SCAPER: variants seen among roughly 807,000 people sequenced by gnomAD.
The protein encoded by SCAPER is S phase cyclin A-associated protein in the endoplasmic reticulum.
A neutral mutation model predicts 182.2 loss-of-function variants in SCAPER; 98 were observed. The ratio of observed to expected loss-of-function variants is 0.54; its 90% CI spans 0.46 to 0.64. The LOEUF is 0.64. SCAPER is among the 30% of genes least tolerant of loss of function. The probability of loss-of-function intolerance (pLI) is 0.00; values close to 1 mark genes in which losing one functional copy is unlikely to be tolerated. For missense variants in SCAPER, 1,432 were observed against 1,690.0 expected (o/e 0.85, Z 2.68); for synonymous variants, 605 against 564.6 (o/e 1.07, Z -1.01).
At chr15:76,862,201 C>G (rs191470074) in intron 3 of SCAPER, among the ~76,000 whole-genome samples, 168 of 152,210 alleles carry the variant, frequency 1.1e-3, no homozygotes, top group African/African-American at 3.8e-3. Flanking sequence ...ACAATAAACC[C>G]AATTTCAAAT....
At chr15:76,381,271 G>A in intron 28 of SCAPER, 107 bp downstream of exon 28, 2 of 745,328 alleles carry the variant, frequency 2.7e-6, no homozygotes, top group South Asian at 3.8e-5. Context: ...TCCATTTATT[G>A]TAGTTTATTC....
At chr15:76,816,359 A>AT (rs1157298021) in intron 5 of SCAPER, among the ~76,000 whole-genome samples, 9 of 151,804 alleles carry the variant, frequency 5.9e-5, no homozygotes, top group Non-Finnish European at 1.3e-4. Context: ...CCTATCTAAC[A>AT]TTTTTTTTCC....
chr15:76,655,403 A>G (rs1053137842), intron 21 of SCAPER, among the ~76,000 whole-genome samples: 3 of 152,228 alleles, frequency 2.0e-5, no homozygotes, highest in African/African-American at 7.2e-5. Flanking sequence ...TAAAGAGACC[A>G]AATCTATGAC....
intron 22 of SCAPER, among the ~76,000 whole-genome samples, chr15:76,620,065 G>A (rs1231556935): frequency 6.6e-6 from 1 of 152,004 alleles, no homozygotes; most frequent in African/African-American, 2.4e-5. Context: ...GACAGAGCGA[G>A]ACTCTGTCTT....
chr15:76,397,474 C>CTTTTTT (rs71143321), intron 27 of SCAPER, among the ~76,000 whole-genome samples: 46 of 71,532 alleles, frequency 6.4e-4, no homozygotes, highest in Admixed American at 1.0e-3. Context: ...TATTGGCAGA[C>CTTTTTT]TTTTTTTTTT....
chr15:76,356,941 A>C (rs115176367), intron 29 of SCAPER, among the ~76,000 whole-genome samples: 1,641 of 152,280 alleles, frequency 0.011, 39 homozygotes, highest in African/African-American at 0.037. Context: ...TGAGGAAATC[A>C]ACGGAATTTC....
At chr15:76,783,354 A>G (rs1223427043) in intron 8 of SCAPER, among the ~76,000 whole-genome samples, 1 of 152,242 alleles carries the variant, frequency 6.6e-6, no homozygotes, top group Admixed American at 6.5e-5. Flanking sequence ...ATCTCTGAAT[A>G]GACCAACAGC....
At chr15:76,464,035 CAT>C (rs1459201008) in intron 25 of SCAPER, among the ~76,000 whole-genome samples, 2 of 67,456 alleles carry the variant, frequency 3.0e-5, no homozygotes, top group East Asian at 5.9e-4. Context: ...TGTAAAAAGA[CAT>C]ATAAATTTTC....
chr15:76,702,324 C>T (rs1212465961), intron 19 of SCAPER, among the ~76,000 whole-genome samples: 1 of 152,072 alleles, frequency 6.6e-6, no homozygotes, highest in Admixed American at 6.6e-5. Flanking sequence ...AGCAGGTAAT[C>T]ATCCATTTTA....
chr15:76,728,544 C>A, intron 17 of SCAPER, 51 bp downstream of exon 17: 2 of 1,608,526 alleles, frequency 1.2e-6, no homozygotes, highest in Non-Finnish European at 1.7e-6. Flanking sequence ...AAGACCTCAA[C>A]TTGAATATTC....
intron 21 of SCAPER, among the ~76,000 whole-genome samples, chr15:76,651,386 A>G (rs556779147): frequency 6.6e-6 from 1 of 152,154 alleles, no homozygotes; most frequent in African/African-American, 2.4e-5. Flanking sequence ...TCCTAACTCA[A>G]TGCAAGCACA....
chr15:76,688,327 G>A (rs2058147879), intron 20 of SCAPER, among the ~76,000 whole-genome samples: 1 of 152,128 alleles, frequency 6.6e-6, no homozygotes, highest in African/African-American at 2.4e-5. Context: ...TGTAGATTCT[G>A]GATATTAGCC....
chr15:76,748,770 T>C (rs983242641), intron 15 of SCAPER, among the ~76,000 whole-genome samples: 1 of 151,800 alleles, frequency 6.6e-6, no homozygotes, highest in Non-Finnish European at 1.5e-5. Flanking sequence ...TATTAGTCTT[T>C]GGGGAAATAG....
intron 5 of SCAPER, among the ~76,000 whole-genome samples, chr15:76,832,749 C>G (rs2068604714): frequency 6.6e-6 from 1 of 152,102 alleles, no homozygotes; most frequent in South Asian, 2.1e-4. Flanking sequence ...TGTGTGGCAC[C>G]TCCCCCTCGC....
intron 29 of SCAPER, among the ~76,000 whole-genome samples, chr15:76,366,199 C>T (rs569552663): frequency 2.0e-5 from 3 of 152,208 alleles, no homozygotes; most frequent in South Asian, 2.1e-4. Context: ...GATGAATGGA[C>T]AGCATTTAAT....
intron 4 of SCAPER, among the ~76,000 whole-genome samples, chr15:76,849,217 C>G (rs1445246355): frequency 6.6e-6 from 1 of 152,232 alleles, no homozygotes; most frequent in Non-Finnish European, 1.5e-5. Context: ...CCCTCAGTAA[C>G]AGTGGCTCCA....
chr15:76,878,560 G>A (rs2073333786), intron 2 of SCAPER, among the ~76,000 whole-genome samples: 1 of 152,088 alleles, frequency 6.6e-6, no homozygotes. Context: ...TACAGAGTAG[G>A]AGAAGTGCCA....
intron 21 of SCAPER, among the ~76,000 whole-genome samples, chr15:76,648,470 A>T (rs1260932695): frequency 6.6e-6 from 1 of 152,200 alleles, no homozygotes; most frequent in Non-Finnish European, 1.5e-5. Flanking sequence ...CTTTTTCAAG[A>T]AACAATGGCT....
At chr15:76,819,264 A>T (rs1006819668) in intron 5 of SCAPER, among the ~76,000 whole-genome samples, 9 of 152,180 alleles carry the variant, frequency 5.9e-5, no homozygotes, top group Non-Finnish European at 1.3e-4. Flanking sequence ...GCAGCTTGAG[A>T]TCTGAGAACA....
Sources: allele counts gnomAD v4.1 joint callset (sites outside exome capture counted in the v4.1 genomes callset), GRCh38; gene constraint gnomAD v4.1.1; transcripts MANE v1.5; gene names NCBI Gene and HGNC (gene_info 2026-07-23, HGNC 2026-07-21).